Variants in NHSL2 observed in about 807,000 individuals in gnomAD.
NHSL2 encodes NHS-like protein 2.
In NHSL2, 27 loss-of-function variants were observed where a neutral mutation model predicts 53.4. The observed-to-expected ratio is 0.51, with a 90% CI of 0.37 to 0.70. The LOEUF (loss-of-function observed/expected upper bound fraction) is 0.70, where lower values mean the gene tolerates loss of function less well. Ranked by LOEUF, NHSL2 falls within the 30% of genes least tolerant of loss-of-function variation. NHSL2 has a pLI of 0.00. For synonymous variants in NHSL2, 408 were observed against 404.1 expected, an observed-to-expected ratio of 1.01 and a Z score of -0.12; for missense variants, 892 against 980.1, an observed-to-expected ratio of 0.91 and a Z score of 1.20.
intron 1 of NHSL2, among the ~76,000 whole-genome samples, chrX:71,959,376 C>T (rs775408248): frequency 5.3e-4 from 60 of 112,621 alleles, no homozygotes; most frequent in African/African-American, 1.9e-3. Flanking sequence ...AAGAGTCTTA[C>T]TAGTATATTT....
intron 1 of NHSL2, among the ~76,000 whole-genome samples, chrX:71,982,438 G>C (rs925649057): frequency 8.9e-6 from 1 of 111,828 alleles, no homozygotes; most frequent in Non-Finnish European, 1.9e-5. Context: ...AATCCTTGGA[G>C]TCTCCAAAGT....
At chrX:71,941,211 C>T (rs927387186) in intron 1 of NHSL2, among the ~76,000 whole-genome samples, 2 of 111,436 alleles carry the variant, frequency 1.8e-5, no homozygotes, top group African/African-American at 6.5e-5. Flanking sequence ...CTGCTTTTGC[C>T]TTCATTACTG....
intron 1 of NHSL2, among the ~76,000 whole-genome samples, chrX:72,098,306 C>A (rs2041959140): frequency 8.9e-6 from 1 of 112,235 alleles, no homozygotes; most frequent in Admixed American, 9.4e-5. Flanking sequence ...GTTGGCCGGG[C>A]GCGGTGGCTC....
chrX:72,079,499 C>T (rs944487127), intron 1 of NHSL2, among the ~76,000 whole-genome samples: 2 of 112,136 alleles, frequency 1.8e-5, no homozygotes, highest in African/African-American at 6.5e-5. Context: ...TTAAATGGAA[C>T]TAGTTGTCTT....
chrX:71,919,660 C>T (rs1244979890), intron 1 of NHSL2, among the ~76,000 whole-genome samples: 7 of 111,584 alleles, frequency 6.3e-5, no homozygotes, highest in Non-Finnish European at 1.1e-4. Flanking sequence ...TTCATTCTCC[C>T]CCACTGACAT....
At chrX:72,072,947 T>A (rs1283146527) in intron 1 of NHSL2, among the ~76,000 whole-genome samples, 5 of 111,777 alleles carry the variant, frequency 4.5e-5, no homozygotes, top group Non-Finnish European at 7.5e-5. Context: ...TGCAGGGTGA[T>A]CTTAGGCAGC....
At chrX:71,954,855 C>A (rs1209549349) in intron 1 of NHSL2, among the ~76,000 whole-genome samples, 1 of 112,420 alleles carries the variant, frequency 8.9e-6, no homozygotes, top group Non-Finnish European at 1.9e-5. Context: ...GCAAAGGCAA[C>A]CCTCATGTAT....
chrX:72,031,419 T>C lies in NHSL2; in HGVS notation c.281-100660T>C, dbSNP rs1422686384. On this transcript the variant is annotated intron_variant, in intron 1 of 7. Coordinates refer to ENST00000633930, the MANE Select transcript of NHSL2 (RefSeq NM_001013627.3). ...TGTAGTACCTACCTTACACAGCTAT[T>C]GTGAGTATTAAATGAGCTATTTCAT... Among the ~76,000 whole-genome samples the C allele has an allele frequency of 2.7e-5, 3 of 112,171 alleles. No individual in the cohort carries two copies. In the Admixed American group the frequency reaches 2.8e-4, roughly 11 times the overall value.
At position 72,139,665 on chromosome X, in the gene NHSL2, C is replaced by T; in HGVS notation, c.2117C>T (p.Pro706Leu). 8.3e-7 allele frequency: 1 copy of T among 1,211,398 alleles called. No individual in the cohort carries two copies. Among genetic ancestry groups the T allele is most frequent in the East Asian group, 3.0e-5 (1 of 33,828 alleles). ...GAGATATCATCCCCGGGAAGGCCCC[C>T]TGGACTGATGTCACCCTCCAGTGGC... ...AREISSPGRP[P>L]GLMSPSSGYS... The change falls in exon 6 of 8, where the codon CCT becomes CTT. Residue 706 changes from proline to leucine, a missense_variant. Physicochemically the swap from Pro to Leu is moderately conservative, Grantham distance 98 (BLOSUM62 -3). Transcript: ENST00000633930.
In NHSL2 at chrX:72,131,635, C is replaced by G. The variant is rs754424280; in HGVS notation, c.281-444C>G. The G allele has an allele frequency of 2.6e-4, 233 of 895,237 alleles. 1 individual carries two copies. The African/African-American group carries it at 4.5e-3, about 17-fold the overall frequency. 73.8% of individuals were successfully genotyped at this position (895,237 alleles called of 1,213,427 possible). On this transcript the variant is annotated intron_variant, in intron 1 of 7. Transcript: ENST00000633930. ...GAGGCCGAAATGCGGCGGCGGGGCTCGGGAGGGACCGAAGTGCGGCAGCGG... is the reference window on the plus strand; with the variant it reads ...GAGGCCGAAATGCGGCGGCGGGGCTGGGGAGGGACCGAAGTGCGGCAGCGG...
intron 1 of NHSL2, among the ~76,000 whole-genome samples, chrX:72,013,370 C>T (rs1217154547): frequency 1.8e-5 from 2 of 111,855 alleles, no homozygotes; most frequent in African/African-American, 3.2e-5. Context: ...TTTATTTTTG[C>T]AAGCTTATCT....
At chrX:71,943,760 CTT>C (rs2041779676) in intron 1 of NHSL2, among the ~76,000 whole-genome samples, 3 of 112,438 alleles carry the variant, frequency 2.7e-5, no homozygotes, top group Admixed American at 9.4e-5. Flanking sequence ...ACTGGGTATA[CTT>C]TGGCCTGAAA....
intron 1 of NHSL2, among the ~76,000 whole-genome samples, chrX:72,039,397 G>A (rs1602324323): frequency 9.0e-6 from 1 of 111,559 alleles, no homozygotes; most frequent in Non-Finnish European, 1.9e-5. Context: ...TTTTCCAGTT[G>A]TTAGACATTT....
rs1391001483 is a variant in NHSL2, at chrX:71,963,958, TACACATATATATATAC to T, written c.280+52593_280+52608del. Among the ~76,000 whole-genome samples, 35 of 6,422 alleles carry T rather than the reference TACACATATATATATAC, an allele frequency of 5.5e-3. No individual in the cohort carries two copies. The East Asian group carries it at 0.066, about 12-fold the overall frequency. 5.6% of individuals were successfully genotyped at this position (6,422 alleles called of 115,157 possible). A position where few individuals can be genotyped will look rare whatever the true frequency, so the allele number is the denominator to read the frequency against. On this transcript the variant is annotated intron_variant, in intron 1 of 7. Transcript: ENST00000633930. ...GAGAAAGGTGGAGTGGCTATATATA[TACACATATATATATAC>T]ATATATATATATATATATGTATATA...
chrX:72,021,493 C>T (rs759717663), intron 1 of NHSL2, among the ~76,000 whole-genome samples: 2 of 112,081 alleles, frequency 1.8e-5, no homozygotes, highest in Non-Finnish European at 3.8e-5. Flanking sequence ...ACTTCCCTTA[C>T]TCTGAATCTA....
intron 1 of NHSL2, among the ~76,000 whole-genome samples, chrX:72,048,861 T>G (rs2042320333): frequency 9.1e-6 from 1 of 109,569 alleles, no homozygotes; most frequent in Non-Finnish European, 1.9e-5. Flanking sequence ...CAGTGGCTCA[T>G]GCTTGTAATG....
intron 1 of NHSL2, among the ~76,000 whole-genome samples, chrX:72,098,530 A>G (rs1216734121): frequency 4.7e-5 from 5 of 106,738 alleles, no homozygotes; most frequent in African/African-American, 6.9e-5. Context: ...GCAGTGAGCG[A>G]AGATTGCGCC....
chrX:71,969,291 C>T (rs1191174849), intron 1 of NHSL2, among the ~76,000 whole-genome samples: 1 of 101,944 alleles, frequency 9.8e-6, no homozygotes, highest in Admixed American at 1.1e-4. Flanking sequence ...GTAAGTTGAA[C>T]GGTTTTCTTT....
At chrX:72,088,500 T>C (rs1489564097) in intron 1 of NHSL2, among the ~76,000 whole-genome samples, 2 of 112,475 alleles carry the variant, frequency 1.8e-5, no homozygotes, top group Non-Finnish European at 3.8e-5. Context: ...GGTTAAGTTT[T>C]AGATAATTTT....
Sources: gnomAD v4.1 joint callset for allele counts (sites outside exome capture counted in the v4.1 genomes callset) on GRCh38, gnomAD v4.1.1 for gene constraint, MANE v1.5 for transcripts, NCBI Gene and HGNC (gene_info 2026-07-23, HGNC 2026-07-21) for gene names.